The following ZMYM3 variants were observed in gnomAD, a reference collection of about 807,000 sequenced individuals.
ZMYM3 encodes zinc finger MYM-type protein 3.
ZMYM3 carries 6 observed loss-of-function variants against 94.2 expected under a neutral mutation model. The ratio of observed to expected loss-of-function variants is 0.06; its 90% CI spans 0.03 to 0.13. The LOEUF (loss-of-function observed/expected upper bound fraction) is 0.13. ZMYM3 is among the 10% of genes least tolerant of loss of function. The probability of loss-of-function intolerance (pLI) is 1.00; values close to 1 mark genes in which losing one functional copy is unlikely to be tolerated. For missense variants in ZMYM3, 664 were observed against 1,132.6 expected (o/e 0.59, Z 5.94); for synonymous variants, 420 against 426.5 (o/e 0.98, Z 0.19).
chrX:71,245,902 G>C lies in ZMYM3; in HGVS notation c.2686-60C>G, dbSNP rs1464097677. ...CACACCAGCAGTTGGGGGGAAGTTG[G>C]GGGGACAGATGATGAGTGAAGGGGG... On this transcript the variant is annotated intron_variant, in intron 16 of 24. Transcript: ENST00000314425. The C allele has an allele frequency of 5.9e-6, 7 of 1,194,867 alleles. No homozygotes were observed. In the South Asian group the frequency reaches 7.2e-5, roughly 12 times the overall value.
At chrX:71,251,660 G>A (rs929289113) in intron 2 of ZMYM3, 59 bp from the exon 3 acceptor site, 70 of 1,104,892 alleles carry the variant, frequency 6.3e-5, no homozygotes, top group Non-Finnish European at 7.5e-5. Context: ...CCCTCTCCCC[G>A]GCCCAACCCC....
At chrX:71,246,887 G>A (rs1368259496) in intron 13 of ZMYM3, among the ~76,000 whole-genome samples, 195 bp from the exon 14 acceptor site, 1 of 111,462 alleles carries the variant, frequency 9.0e-6, no homozygotes, top group Non-Finnish European at 1.9e-5. Flanking sequence ...TTTGTTCCTG[G>A]AGAATGAAAC....
chrX:71,241,525 C>G (rs928517934), intron 23 of ZMYM3, among the ~76,000 whole-genome samples, 181 bp from the exon 24 acceptor site: 1 of 111,150 alleles, frequency 9.0e-6, no homozygotes, highest in Admixed American at 9.6e-5. Flanking sequence ...TCCTGTCGGG[C>G]TGTTGTTATG....
At chrX:71,251,267 G>C (rs747739497) in intron 3 of ZMYM3, 23 bp from the exon 4 acceptor site, 1 of 1,201,955 alleles carries the variant, frequency 8.3e-7, no homozygotes. Context: ...AAGATGGGAG[G>C]GGAGGAAAAC....
chrX:71,248,840 G>C, intron 8 of ZMYM3, 39 bp from the exon 9 acceptor site: 1 of 1,097,458 alleles, frequency 9.1e-7, no homozygotes, highest in Non-Finnish European at 1.2e-6. Flanking sequence ...AAAAGAGAAA[G>C]AGAGAGGGAG....
At position 71,247,452 on chromosome X, in the gene ZMYM3, C is replaced by T; in HGVS notation, c.2207G>A (p.Arg736His). Residue 736 changes from arginine to histidine, a missense_variant, in exon 13 of 25, where the codon CGT (arginine) becomes CAT (histidine). By Grantham distance (29) the Arg-to-His change is conservative (BLOSUM62 0). Around this residue, in one of 9 missense-constraint regions of ZMYM3, gnomAD observed 159 missense variants for 313.0 expected, o/e 0.51. Transcript: ENST00000314425. ...GTTGCAGAAATGACGGATCTGCCCA[C>T]GCCAGTGGATGGTCTCCAGCAGCTT... Reference protein sequence around the residue: ...QGKLLETIHWRGQIRHFCNQQ... With the variant: ...QGKLLETIHWHGQIRHFCNQQ... 8.3e-7 allele frequency: 1 copy of T among 1,211,317 alleles called. No homozygotes were observed. Among genetic ancestry groups the T allele is most frequent in the Non-Finnish European group, 1.1e-6 (1 of 895,145 alleles).
rs931379446 is a variant in ZMYM3 at position 71,244,401 on chromosome X, C to T, written c.3181G>A (p.Gly1061Arg). The T allele has an allele frequency of 2.5e-6, 3 of 1,211,516 alleles. No homozygotes were observed. The highest frequency in any genetic ancestry group is 2.2e-5 in the Admixed American group (1 of 45,989). ...DSMSSQPSCT[G>R]LNYSYGVNAW... ...TTGACACCATATGAATAGTTGAGCC[C>T]GGTACAACTAGGCTGACTGCTCATG... The change falls in exon 20 of 25, where the codon GGG (glycine) becomes AGG (arginine). Residue 1061 changes from glycine to arginine, a missense_variant. Around this residue, in one of 9 missense-constraint regions of ZMYM3, gnomAD observed 75 missense variants for 152.5 expected, o/e 0.49. Transcript: ENST00000314425.
chrX:71,242,527 T>C, intron 22 of ZMYM3, 103 bp from the exon 23 acceptor site: 1 of 1,033,945 alleles, frequency 9.7e-7, no homozygotes, highest in Non-Finnish European at 1.3e-6. Flanking sequence ...CAATTCTCAT[T>C]TGGTGAGTAA....
intron 2 of ZMYM3, 124 bp downstream of exon 2, chrX:71,252,465 C>G (rs1011371761): frequency 2.7e-6 from 2 of 731,769 alleles, no homozygotes; most frequent in Non-Finnish European, 3.7e-6. Flanking sequence ...AGTCCTTCCC[C>G]ACACACATCC....
In ZMYM3 at chrX:71,248,523, C is replaced by T. The variant is rs374433215; in HGVS notation, c.1739G>A (p.Arg580His). Residue 580 changes from arginine to histidine, a missense_variant and splice_region_variant, in exon 10 of 25, where the codon CGC becomes CAC. By Grantham distance (29) the Arg-to-His change is conservative. Around this residue, in one of 9 missense-constraint regions of ZMYM3, gnomAD observed 159 missense variants for 313.0 expected, o/e 0.51. Transcript: ENST00000314425. ...GTGAATGCCCCCCTCAGGGCTTGTGCGCTGGAGGGAAGGAAGACAAGTAAG... is the reference window on the plus strand; with the variant it reads ...GTGAATGCCCCCCTCAGGGCTTGTGTGCTGGAGGGAAGGAAGACAAGTAAG... ...CSPSCWTKFQRTSPEGGIHLS... is the reference protein window; with the variant it reads ...CSPSCWTKFQHTSPEGGIHLS... The T allele has an allele frequency of 2.2e-5, 26 of 1,207,423 alleles. No individual in the cohort carries two copies. The highest frequency in any genetic ancestry group is 1.2e-4 in the East Asian group (4 of 33,705).
Position 71,239,923 on chromosome X carries a change from C to T in ZMYM3, c.*993G>A, listed in dbSNP as rs1029534720. On this transcript the variant is annotated 3_prime_UTR_variant, in exon 25 of 25. Coordinates refer to ENST00000314425, the MANE Select transcript of ZMYM3 (RefSeq NM_201599.3). ...GGAAGAGAGAAGATGTAGGCAGTGG[C>T]GGCAGGCCCTGCGCCCACAGCTCCT... 2.7e-5 allele frequency: 3 copies of T among 112,761 alleles called. No homozygotes were observed. The highest frequency in any genetic ancestry group is 3.6e-4 in the South Asian group (1 of 2,743). 9.3% of individuals were successfully genotyped at this position (112,761 alleles called of 1,213,427 possible).
chrX:71,246,346 G>A lies in ZMYM3; in HGVS notation c.2572+7C>T. ...ACAGCCTGTGGCATCGAGGTACCCT[G>A]GCTCACCTGTTTGACTTCCTTTGGA... On this transcript the variant is annotated splice_region_variant and intron_variant, in intron 15 of 24. Coordinates refer to ENST00000314425, the MANE Select transcript of ZMYM3 (RefSeq NM_201599.3). 7 of 1,210,691 alleles carry A rather than the reference G, an allele frequency of 5.8e-6. No individual in the cohort carries two copies. Among genetic ancestry groups the A allele is most frequent in the Non-Finnish European group, 7.8e-6 (7 of 895,215 alleles).
chrX:71,252,984 G>C lies in ZMYM3; in HGVS notation c.272C>G (p.Ser91Cys). ...AGGACCGTGGTCCACCTCCGGGGGAGAGGGGGCTTTATAGAGCAGCCCCCC... is the reference window on the plus strand; with the variant it reads ...AGGACCGTGGTCCACCTCCGGGGGACAGGGGGCTTTATAGAGCAGCCCCCC... ...GLGGLLYKAP[S>C]PPEVDHGPEG... The change falls in exon 2 of 25, where the codon TCT (serine) becomes TGT (cysteine). Residue 91 changes from serine to cysteine, a missense_variant. Ser to Cys is a moderately radical substitution (Grantham distance 112). Coordinates refer to ENST00000314425, the MANE Select transcript of ZMYM3 (RefSeq NM_201599.3). 8.3e-7 allele frequency: 1 copy of C among 1,210,679 alleles called. No individual in the cohort carries two copies. The highest frequency in any genetic ancestry group is 1.1e-6 in the Non-Finnish European group (1 of 895,077).
Position 71,247,830 on chromosome X carries a change from C to T in ZMYM3, c.2052G>A (p.Gln684=). ...GCTCGGTGACTCCGCGCTGGCAGGT[C>T]TGGGAGCAGTAAGTACAAGTGATAC... ...LCCITCTYCS[Q]TCQRGVTEQL... Residue 684 remains glutamine (Q), a synonymous_variant, in exon 12 of 25, where the codon CAG becomes CAA. Transcript: ENST00000314425. The T allele has an allele frequency of 8.3e-7, 1 of 1,210,504 alleles. No individual in the cohort carries two copies. Among genetic ancestry groups the T allele is most frequent in the Non-Finnish European group, 1.1e-6 (1 of 894,816 alleles).
chrX:71,251,313 T>TG (rs1276099386), intron 3 of ZMYM3, 69 bp from the exon 4 acceptor site: 110 of 428,760 alleles, frequency 2.6e-4, no homozygotes, highest in Non-Finnish European at 3.0e-4. Context: ...GTACAGGGTT[T>TG]GGGGGGGGAT....
intron 2 of ZMYM3, among the ~76,000 whole-genome samples, chrX:71,252,351 C>T (rs1329010355): frequency 3.6e-5 from 4 of 109,862 alleles, no homozygotes; most frequent in African/African-American, 6.7e-5. Flanking sequence ...TCCCAACCTA[C>T]GCTCCCTGAA....
At chrX:71,243,460 T>C (rs1369469169) in intron 21 of ZMYM3, among the ~76,000 whole-genome samples, 1 of 111,715 alleles carries the variant, frequency 9.0e-6, no homozygotes, top group Non-Finnish European at 1.9e-5. Flanking sequence ...CAATGAAGAC[T>C]GCTCCTTGGC....
rs1369339947 is a variant in ZMYM3 at position 71,252,696 on chromosome X, G to C, written c.560C>G (p.Pro187Arg). The C allele has an allele frequency of 8.3e-7, 1 of 1,199,267 alleles. No homozygotes were observed. The highest frequency in any genetic ancestry group is 2.3e-5 in the Admixed American group (1 of 44,180). ...CACTGAAGGGCTAGGCGGGGCATTT[G>C]GGCTCTGTGGCTGCCCTTGGGGAAG... Reference protein sequence around the residue: ...EELPQGQPQSPNAPPSPSVGE... With the variant: ...EELPQGQPQSRNAPPSPSVGE... Residue 187 changes from proline (P) to arginine (R), a missense_variant, in exon 2 of 25, where the codon CCA (proline) becomes CGA (arginine). Coordinates refer to ENST00000314425, the MANE Select transcript of ZMYM3 (RefSeq NM_201599.3).
In ZMYM3 at chrX:71,240,225, G is replaced by GTACT. The variant is rs1442768586; in HGVS notation, c.*687_*690dup. The GTACT allele has an allele frequency of 9.0e-6, 1 of 111,483 alleles. No individual in the cohort carries two copies. Among genetic ancestry groups the GTACT allele is most frequent in the African/African-American group, 3.3e-5 (1 of 30,565 alleles). The allele number at this position is 111,483 out of a possible 1,213,427, so 9.2% of individuals were successfully genotyped here. On this transcript the variant is annotated 3_prime_UTR_variant, in exon 25 of 25. Coordinates refer to ENST00000314425, the MANE Select transcript of ZMYM3 (RefSeq NM_201599.3). Reference sequence around the variant, plus strand: ...TCTGCACAACAGGAGTCTGCTCCCCGTACTTAGTCATTCTCTGCCTCTGAG... The same window carrying GTACT: ...TCTGCACAACAGGAGTCTGCTCCCCGTACTTACTTAGTCATTCTCTGCCTCTGAG...
Sources: allele counts gnomAD v4.1 joint callset (sites outside exome capture counted in the v4.1 genomes callset), GRCh38; gene constraint gnomAD v4.1.1; regional missense constraint gnomAD v4.1.1; transcripts MANE v1.5; gene names NCBI Gene and HGNC (gene_info 2026-07-23, HGNC 2026-07-21).